The following CDKN2A variants were observed in gnomAD, a reference collection of about 807,000 sequenced individuals.
CDKN2A encodes cyclin dependent kinase inhibitor 2A.
CDKN2A carries 3 observed loss-of-function variants against 11.1 expected under a neutral mutation model. The ratio of observed to expected loss-of-function variants is 0.27; its 90% CI spans 0.12 to 0.70. CDKN2A has a LOEUF of 0.70. CDKN2A is among the 30% of genes least tolerant of loss of function. CDKN2A has a pLI of 0.77. For synonymous variants in CDKN2A, 122 were observed against 108.1 expected, an observed-to-expected ratio of 1.13 and a Z score of -0.80; for missense variants, 265 against 233.6, an observed-to-expected ratio of 1.13 and a Z score of -0.88.
At chr9:21,983,169 C>T (rs752750397) in intron 2 of CDKN2A, among the ~76,000 whole-genome samples, 3 of 152,030 alleles carry the variant, frequency 2.0e-5, no homozygotes, top group Admixed American at 6.6e-5. Context: ...CTCAAAGACA[C>T]GCAAAGTCCC....
chr9:21,974,569 T>C lies in CDKN2A; in HGVS notation c.150+109A>G. ...CCTTCTGAAAACTCCCCAGGAAGCCTCCCCTTTTTCCGGAGAATCGAAGCG... is the reference window on the plus strand; with the variant it reads ...CCTTCTGAAAACTCCCCAGGAAGCCCCCCCTTTTTCCGGAGAATCGAAGCG... On this transcript the variant is annotated intron_variant, in intron 1 of 2. Transcript: ENST00000304494. The surrounding 1 kb of genome is among the most constrained non-coding windows in gnomAD (Gnocchi z 5.2). 6.2e-7 allele frequency: 1 copy of C among 1,613,578 alleles called. No individual in the cohort carries two copies. Among genetic ancestry groups the C allele is most frequent in the Non-Finnish European group, 8.5e-7 (1 of 1,179,978 alleles).
intron 2 of CDKN2A, among the ~76,000 whole-genome samples, chr9:21,993,116 T>G (rs1820470530): frequency 6.6e-6 from 1 of 152,172 alleles, no homozygotes. Context: ...TAATTACCCC[T>G]CCGCTGGCCT....
chr9:21,994,983 T>C (rs989396368), exon 1 of CDKN2A: 5 of 152,274 alleles, frequency 3.3e-5, no homozygotes, highest in African/African-American at 1.2e-4. Flanking sequence ...ATCTCATTGC[T>C]CTATCCGCCA....
intron 2 of CDKN2A, chr9:21,992,151 A>G: frequency 1.2e-6 from 1 of 817,888 alleles, no homozygotes; most frequent in South Asian, 5.6e-5. Context: ...AAAAGTTAAA[A>G]TAACATCTTA....
At chr9:21,976,263 C>T (rs1304777896), upstream of CDKN2A, among the ~76,000 whole-genome samples, 2 of 151,736 alleles carry the variant, frequency 1.3e-5, no homozygotes, top group Non-Finnish European at 2.9e-5. Context: ...TGTGTAATTC[C>T]AGCTACTCAG....
intron 1 of CDKN2A, 78 bp from the exon 2 acceptor site, chr9:21,971,286 A>G (rs906991330): frequency 6.5e-7 from 1 of 1,540,248 alleles, no homozygotes; most frequent in Admixed American, 1.9e-5. Context: ...GAGCCCCCTC[A>G]CCGCCAAGCA....
chr9:21,991,895 G>A lies in CDKN2A; in HGVS notation c.-4+1987C>T. 1.0e-6 allele frequency: 1 copy of A among 985,224 alleles called. No homozygotes were observed. The highest frequency in any genetic ancestry group is 1.2e-6 in the Non-Finnish European group (1 of 829,794). The allele number at this position is 985,224 out of a possible 1,614,324, so 61.0% of individuals were successfully genotyped here. On this transcript the variant is annotated intron_variant, in intron 2 of 3. Coordinates refer to the CDKN2A transcript ENST00000494262. This position sits in a 1 kb window ranked among gnomAD's most constrained non-coding sequence, Gnocchi z 5.2. ...TAACTGCACAGTGCTTACCTTGAGA[G>A]GACTCTGTGCTATTAAAGAAAAAAA...
At chr9:21,994,979 T>C (rs925453883) in exon 1 of CDKN2A, 2 of 152,300 alleles carry the variant, frequency 1.3e-5, no homozygotes, top group African/African-American at 4.8e-5. Context: ...GGTCATCTCA[T>C]TGCTCTATCC....
At chr9:21,982,509 C>T (rs535724097) in intron 2 of CDKN2A, among the ~76,000 whole-genome samples, 38 of 151,790 alleles carry the variant, frequency 2.5e-4, no homozygotes, top group East Asian at 3.9e-4. Context: ...TTACTTGTGG[C>T]GAATTACTTA....
Position 21,991,815 on chromosome 9 carries a change from T to C in CDKN2A, c.-4+2067A>G. 1.0e-6 allele frequency: 1 copy of C among 985,202 alleles called. No individual in the cohort carries two copies. Among genetic ancestry groups the C allele is most frequent in the Non-Finnish European group, 1.2e-6 (1 of 829,720 alleles). The allele number at this position is 985,202 out of a possible 1,614,324, so 61.0% of individuals were successfully genotyped here. On this transcript the variant is annotated intron_variant, in intron 2 of 3. Transcript: ENST00000494262. This position sits in a 1 kb window ranked among gnomAD's most constrained non-coding sequence, Gnocchi z 5.2. ...GATTTCTGAAAGGGCTATGGTTCAC[T>C]TGGAACACAATACAAACTGTGAATC...
intron 2 of CDKN2A, among the ~76,000 whole-genome samples, chr9:21,983,002 A>C (rs1820229105): frequency 6.6e-6 from 1 of 152,108 alleles, no homozygotes; most frequent in African/African-American, 2.4e-5. Flanking sequence ...TATCCAGTAC[A>C]TTGTGGACAA....
Position 21,974,658 on chromosome 9 carries a change from G to T in CDKN2A, c.150+20C>A, listed in dbSNP as rs550846229. 1.2e-6 allele frequency: 2 copies of T among 1,614,068 alleles called. No individual in the cohort carries two copies. Among genetic ancestry groups the T allele is most frequent in the East Asian group, 2.2e-5 (1 of 44,876 alleles). On this transcript the variant is annotated intron_variant, in intron 1 of 2. Coordinates refer to ENST00000304494, the MANE Select transcript of CDKN2A (RefSeq NM_000077.5). This position sits in a 1 kb window ranked among gnomAD's most constrained non-coding sequence, Gnocchi z 5.2. ...GAGTCGCCCGCCATCCCCTGCTCCC[G>T]CTGCAGACCCTCTACCCACCTGGAT... is the stretch of plus-strand genomic sequence containing the variant.
intron 2 of CDKN2A, among the ~76,000 whole-genome samples, chr9:21,982,207 G>A (rs1336683337): frequency 6.6e-6 from 1 of 152,128 alleles, no homozygotes; most frequent in Non-Finnish European, 1.5e-5. Context: ...CATAATTATA[G>A]TTAAGTCACA....
chr9:21,972,148 C>T (rs1276308684), intron 1 of CDKN2A, among the ~76,000 whole-genome samples: 1 of 152,052 alleles, frequency 6.6e-6, no homozygotes, highest in Non-Finnish European at 1.5e-5. Context: ...GCATAATGCT[C>T]TCCAATTCCA....
rs571446760 is a variant in CDKN2A at position 21,968,302 on chromosome 9, T to A, written c.458-60A>T. On this transcript the variant is annotated intron_variant, in intron 2 of 2. Coordinates refer to ENST00000304494, the MANE Select transcript of CDKN2A (RefSeq NM_000077.5). The surrounding 1 kb of genome is among the most constrained non-coding windows in gnomAD (Gnocchi z 4.7). ...CCTGAGGTCAAAGATGTGTGGCACA[T>A]CCCGCCCTCCTCTCTTGCCGTCCCT... is the stretch of plus-strand genomic sequence containing the variant. 80 of 1,591,090 alleles carry A rather than the reference T, an allele frequency of 5.0e-5. No homozygotes were observed. Among genetic ancestry groups the A allele is most frequent in the Non-Finnish European group, 6.3e-5 (73 of 1,159,920 alleles).
At chr9:21,983,552 T>C (rs1459959801) in intron 2 of CDKN2A, among the ~76,000 whole-genome samples, 1 of 152,042 alleles carries the variant, frequency 6.6e-6, no homozygotes. Context: ...CTAAAAATAG[T>C]ATTGCAGTTT....
intron 2 of CDKN2A, chr9:21,970,690 T>A: frequency 1.5e-6 from 1 of 648,586 alleles, no homozygotes; most frequent in Non-Finnish European, 2.7e-6. Flanking sequence ...AAAATGGGCT[T>A]TCACGTGCGC....
In CDKN2A at chr9:21,971,071, C is replaced by T. The variant is rs557319056; in HGVS notation, c.288G>A (p.Val96=). The T allele has an allele frequency of 1.4e-5, 23 of 1,605,526 alleles. No individual in the cohort carries two copies. The South Asian group carries it at 2.3e-4, about 16-fold the overall frequency. Residue 96 remains valine, a synonymous_variant, in exon 2 of 3, where the codon GTG becomes GTA. Transcript: ENST00000304494. ...AREGFLDTLV[V]LHRAGARLDV... ...CCAGCCGCGCCCCGGCCCGGTGCAGCACCACCAGCGTGTCCAGGAAGCCCT... is the reference window on the plus strand; with the variant it reads ...CCAGCCGCGCCCCGGCCCGGTGCAGTACCACCAGCGTGTCCAGGAAGCCCT...
chr9:21,971,038 G>C lies in CDKN2A; in HGVS notation c.321C>G (p.Arg107=), dbSNP rs772527888. 4 of 1,606,036 alleles carry C rather than the reference G, an allele frequency of 2.5e-6. No homozygotes were observed. Among genetic ancestry groups the C allele is most frequent in the East Asian group, 2.2e-5 (1 of 44,856 alleles). ...CCACGGGCAGACGGCCCCAGGCATCGCGCACGTCCAGCCGCGCCCCGGCCC... is the reference window on the plus strand; with the variant it reads ...CCACGGGCAGACGGCCCCAGGCATCCCGCACGTCCAGCCGCGCCCCGGCCC... The part of the protein sequence containing the change: ...LHRAGARLDV[R]DAWGRLPVDL... Residue 107 remains arginine (R), a synonymous_variant, in exon 2 of 3, where the codon CGC becomes CGG. Transcript: ENST00000304494.
Sources: gnomAD v4.1 joint callset for allele counts (sites outside exome capture counted in the v4.1 genomes callset) on GRCh38, gnomAD v4.1.1 for gene constraint, Gnocchi (gnomAD v3.1) non-coding constraint, MANE v1.5 for transcripts, NCBI Gene and HGNC (gene_info 2026-07-23, HGNC 2026-07-21) for gene names.